The following THSD4 variants were observed in gnomAD, a reference collection of about 807,000 sequenced individuals.
THSD4 encodes the protein thrombospondin type-1 domain-containing protein 4.
In THSD4, 69 loss-of-function variants were observed where a neutral mutation model predicts 119.0. The ratio of observed to expected loss-of-function variants is 0.58; its 90% CI spans 0.48 to 0.71. THSD4 has a LOEUF of 0.71. Among genes scored for constraint, THSD4 ranks in the 30% least tolerant of loss-of-function variants. The pLI is 0.00. For synonymous variants in THSD4, 524 were observed against 540.4 expected (o/e 0.97, Z 0.42); for missense variants, 1,393 against 1,391.1 (o/e 1.00, Z -0.02).
chr15:71,349,143 G>T (rs117305140), intron 6 of THSD4, among the ~76,000 whole-genome samples: 1 of 152,264 alleles, frequency 6.6e-6, no homozygotes, highest in Non-Finnish European at 1.5e-5. Context: ...TCAATTGTTA[G>T]CAGTGAGATC....
intron 7 of THSD4, among the ~76,000 whole-genome samples, chr15:71,628,443 C>T (rs945549510): frequency 1.5e-4 from 23 of 152,208 alleles, no homozygotes; most frequent in African/African-American, 3.1e-4. Flanking sequence ...TCCAAGGTGG[C>T]GCAGCAATCA....
chr15:71,409,879 CA>C (rs2046660159), intron 6 of THSD4, among the ~76,000 whole-genome samples: 1 of 139,628 alleles, frequency 7.2e-6, no homozygotes, highest in Non-Finnish European at 1.6e-5. Flanking sequence ...GTCTTGTCTC[CA>C]AAACAGTTTT....
intron 8 of THSD4, among the ~76,000 whole-genome samples, chr15:71,666,101 C>T (rs577165796): frequency 2.0e-5 from 3 of 152,208 alleles, no homozygotes; most frequent in African/African-American, 7.2e-5. Flanking sequence ...GGCAGTATAG[C>T]CATTTTAATG....
chr15:71,234,449 C>T (rs1398757155), intron 4 of THSD4, among the ~76,000 whole-genome samples: 1 of 152,146 alleles, frequency 6.6e-6, no homozygotes, highest in Non-Finnish European at 1.5e-5. Context: ...GGACCACAGG[C>T]ATATACCCAC....
At chr15:71,660,877 G>A in intron 8 of THSD4, 143 bp downstream of exon 8, 2 of 890,884 alleles carry the variant, frequency 2.2e-6, no homozygotes, top group Non-Finnish European at 3.4e-6. Flanking sequence ...GTACCACCTG[G>A]CCTGCGCCTT....
intron 1 of THSD4, among the ~76,000 whole-genome samples, chr15:71,139,638 G>A (rs185461981): frequency 4.6e-5 from 7 of 152,264 alleles, no homozygotes; most frequent in Admixed American, 2.6e-4. Context: ...TTAATAACCC[G>A]CAGAAAGGGC....
intron 8 of THSD4, among the ~76,000 whole-genome samples, chr15:71,665,612 AG>A (rs932911663): frequency 1.3e-5 from 2 of 152,086 alleles, no homozygotes; most frequent in African/African-American, 4.8e-5. Flanking sequence ...GTTGTCCTCT[AG>A]GGTTTTATAG....
In THSD4 at chr15:71,781,729, G is replaced by T. The variant is rs2054001326; in HGVS notation, c.*4355G>T. On this transcript the variant is annotated 3_prime_UTR_variant, in exon 18 of 18. Coordinates refer to ENST00000261862, the MANE Select transcript of THSD4 (RefSeq NM_024817.3). ...CAGAGATAGAGGGACTGTGGTAGGT[G>T]GTGACCCACCCATCACTGGAGGTGG... The T allele has an allele frequency of 6.6e-6, 1 of 152,312 alleles. No homozygotes were observed. Among genetic ancestry groups the T allele is most frequent in the African/African-American group, 2.4e-5 (1 of 41,460 alleles). The allele number at this position is 152,312 out of a possible 1,614,324, so 9.4% of individuals were successfully genotyped here.
intron 2 of THSD4, among the ~76,000 whole-genome samples, chr15:71,145,198 G>A (rs1567137452): frequency 6.6e-6 from 1 of 152,112 alleles, no homozygotes; most frequent in Non-Finnish European, 1.5e-5. Context: ...GAGTGCTTTT[G>A]TATGGTTGAC....
intron 6 of THSD4, among the ~76,000 whole-genome samples, chr15:71,371,258 G>A (rs551456853): frequency 8.3e-4 from 127 of 152,206 alleles, no homozygotes; most frequent in African/African-American, 2.8e-3. Context: ...TCTTTTAATT[G>A]TAGCATTTAG....
chr15:71,568,241 G>T (rs1373157421), intron 7 of THSD4, among the ~76,000 whole-genome samples: 2 of 152,036 alleles, frequency 1.3e-5, no homozygotes, highest in African/African-American at 4.8e-5. Context: ...CAGAATTCTT[G>T]CCCATACATC....
intron 7 of THSD4, among the ~76,000 whole-genome samples, chr15:71,423,824 G>A (rs549987365): frequency 2.0e-5 from 3 of 152,298 alleles, no homozygotes; most frequent in East Asian, 1.9e-4. Context: ...TTAGCCCACC[G>A]TGGCAAGCCT....
chr15:71,285,715 G>A (rs1003209389), intron 6 of THSD4, among the ~76,000 whole-genome samples: 4 of 151,928 alleles, frequency 2.6e-5, no homozygotes, highest in Admixed American at 6.6e-5. Flanking sequence ...TTAGCTGGGC[G>A]TAGTGGTGTG....
chr15:71,361,683 T>C (rs191586524), intron 6 of THSD4, among the ~76,000 whole-genome samples: 1 of 152,350 alleles, frequency 6.6e-6, no homozygotes, highest in Admixed American at 6.5e-5. Flanking sequence ...CAGAAATAAA[T>C]GCTCATGATC....
intron 6 of THSD4, among the ~76,000 whole-genome samples, chr15:71,329,895 A>G (rs1352988663): frequency 6.6e-6 from 1 of 152,172 alleles, no homozygotes; most frequent in East Asian, 1.9e-4. Context: ...AGCCTGGGCA[A>G]CATGGTGAAA....
intron 6 of THSD4, among the ~76,000 whole-genome samples, chr15:71,347,624 A>C (rs1596355716): frequency 6.6e-6 from 1 of 152,182 alleles, no homozygotes; most frequent in Non-Finnish European, 1.5e-5. Context: ...AGGGGCTGCC[A>C]TGGGGTTTTT....
chr15:71,481,721 C>A (rs753546609), intron 7 of THSD4, among the ~76,000 whole-genome samples: 4 of 152,090 alleles, frequency 2.6e-5, no homozygotes, highest in Non-Finnish European at 5.9e-5. Context: ...CGTATATGCT[C>A]ATAGTTGGAT....
At chr15:71,641,018 C>T (rs1242955544) in intron 7 of THSD4, among the ~76,000 whole-genome samples, 1 of 151,874 alleles carries the variant, frequency 6.6e-6, no homozygotes, top group East Asian at 1.9e-4. Context: ...CACACACTTA[C>T]ACACTCTGAT....
At chr15:71,610,218 G>C (rs550006723) in intron 7 of THSD4, among the ~76,000 whole-genome samples, 1 of 152,200 alleles carries the variant, frequency 6.6e-6, no homozygotes, top group East Asian at 1.9e-4. Flanking sequence ...GTTGCAGAGA[G>C]GCAGAGAACC....
Sources: allele counts gnomAD v4.1 joint callset (sites outside exome capture counted in the v4.1 genomes callset), GRCh38; gene constraint gnomAD v4.1.1; transcripts MANE v1.5; gene names NCBI Gene and HGNC (gene_info 2026-07-23, HGNC 2026-07-21).